ZNF516: variants seen among roughly 807,000 people sequenced by gnomAD.
The protein encoded by ZNF516 is zinc finger protein 516.
ZNF516 carries 19 observed loss-of-function variants against 79.7 expected under a neutral mutation model. The observed-to-expected ratio is 0.24, with a 90% CI of 0.17 to 0.35. The LOEUF is 0.35. Among genes scored for constraint, ZNF516 ranks in the 10% least tolerant of loss-of-function variants. ZNF516 has a pLI of 1.00. For synonymous variants in ZNF516, 877 were observed against 739.5 expected (o/e 1.19, Z -3.02); for missense variants, 1,678 against 1,679.5 (o/e 1.00, Z 0.02).
intron 1 of ZNF516, chr18:76,492,150 C>T (rs974631749): frequency 2.0e-6 from 2 of 985,224 alleles, no homozygotes; most frequent in Non-Finnish European, 1.2e-6. Context: ...CTCTCCATTG[C>T]ATCATCCCCA....
chr18:76,404,577 T>C (rs924442228), intron 3 of ZNF516, among the ~76,000 whole-genome samples: 3 of 152,006 alleles, frequency 2.0e-5, no homozygotes, highest in Admixed American at 1.3e-4. Context: ...TTTGTGAGTA[T>C]GTAATGAGTA....
At chr18:76,443,863 G>C (rs1209959554) in intron 2 of ZNF516, among the ~76,000 whole-genome samples, 1 of 152,218 alleles carries the variant, frequency 6.6e-6, no homozygotes. Context: ...TCTGCTCCTA[G>C]AGATTGTGCC....
chr18:76,425,987 C>T lies in ZNF516; in HGVS notation c.1810+15258G>A, dbSNP rs181377999. Among the ~76,000 whole-genome samples the T allele has an allele frequency of 1.0e-3, 155 of 152,384 alleles. 1 individual carries two copies. Among genetic ancestry groups the T allele is most frequent in the Non-Finnish European group, 1.7e-3 (117 of 68,044 alleles). Reference sequence around the variant, plus strand: ...TTTCAGACGTCAAATTAACATAAGACTGCCTTCATGTTGCATAGCAAACTC... The same window carrying T: ...TTTCAGACGTCAAATTAACATAAGATTGCCTTCATGTTGCATAGCAAACTC... On this transcript the variant is annotated intron_variant, in intron 3 of 6. Coordinates refer to ENST00000443185, the MANE Select transcript of ZNF516 (RefSeq NM_014643.4).
intron 3 of ZNF516, among the ~76,000 whole-genome samples, chr18:76,423,796 C>G (rs2075545886): frequency 6.8e-6 from 1 of 146,958 alleles, no homozygotes; most frequent in Admixed American, 6.8e-5. Context: ...AAGGTTCCCC[C>G]ATGAAACACA....
At chr18:76,492,996 A>G (rs1915326025) in intron 1 of ZNF516, 2 of 985,380 alleles carry the variant, frequency 2.0e-6, no homozygotes, top group East Asian at 1.1e-4. Context: ...GCTCACACAC[A>G]CACCCCAAAT....
At chr18:76,441,124 G>C (rs1305705973) in intron 3 of ZNF516, 121 bp downstream of exon 3, 2 of 1,389,222 alleles carry the variant, frequency 1.4e-6, no homozygotes, top group South Asian at 1.5e-5. Context: ...GCCTAGCTGA[G>C]TAAAGGGCCA....
chr18:76,433,222 C>T (rs2075685230), intron 3 of ZNF516, among the ~76,000 whole-genome samples: 2 of 152,220 alleles, frequency 1.3e-5, no homozygotes, highest in Non-Finnish European at 2.9e-5. Context: ...CCACTGACCG[C>T]TGAGTACTCC....
intron 3 of ZNF516, among the ~76,000 whole-genome samples, chr18:76,381,479 A>T (rs916079148): frequency 6.6e-6 from 1 of 152,222 alleles, no homozygotes; most frequent in Admixed American, 6.5e-5. Context: ...GATTTTTAAC[A>T]TTCAGTAAAA....
At chr18:76,454,121 G>C (rs1289123166) in intron 2 of ZNF516, among the ~76,000 whole-genome samples, 1 of 152,220 alleles carries the variant, frequency 6.6e-6, no homozygotes, top group Admixed American at 6.5e-5. Flanking sequence ...ATAATTGTAT[G>C]CAGTAAGCCA....
intron 3 of ZNF516, among the ~76,000 whole-genome samples, chr18:76,424,629 T>TC (rs1408608580): frequency 4.9e-5 from 3 of 61,724 alleles, no homozygotes; most frequent in Non-Finnish European, 9.2e-5. Flanking sequence ...GTGAAAAGGC[T>TC]CCCCCGAAAC....
Position 76,361,610 on chromosome 18 carries a change from G to A in ZNF516, c.*888C>T, listed in dbSNP as rs138929830. The A allele has an allele frequency of 3.3e-5, 5 of 152,232 alleles. No homozygotes were observed. The highest frequency in any genetic ancestry group is 2.1e-4 in the South Asian group (1 of 4,830). The allele number at this position is 152,232 out of a possible 1,614,324, so 9.4% of individuals were successfully genotyped here. ...CTTCTGCCATTACTAAAACAGGTCC[G>A]AATCGGGAGGACTCAGTGGCTAAAT... On this transcript the variant is annotated 3_prime_UTR_variant, in exon 7 of 7. Transcript: ENST00000443185.
Position 76,467,441 on chromosome 18 carries a change from T to C in ZNF516, c.-271-4300A>G, listed in dbSNP as rs2145708497. 6.6e-6 allele frequency among the ~76,000 whole-genome samples: 1 copy of C among 152,326 alleles called. No individual in the cohort carries two copies. Among genetic ancestry groups the C allele is most frequent in the East Asian group, 1.9e-4 (1 of 5,174 alleles). ...GAGGAAATGATTTGGGCAAACGCTC[T>C]GCCCTGAGATCTCTCTCGCCCTAAC... On this transcript the variant is annotated intron_variant, in intron 1 of 6. Coordinates refer to ENST00000443185, the MANE Select transcript of ZNF516 (RefSeq NM_014643.4). This position sits in a 1 kb window ranked among gnomAD's most constrained non-coding sequence, Gnocchi z 4.2.
At chr18:76,371,920 C>G (rs934963467) in intron 4 of ZNF516, among the ~76,000 whole-genome samples, 8 of 152,228 alleles carry the variant, frequency 5.3e-5, no homozygotes, top group Non-Finnish European at 1.0e-4. Flanking sequence ...TCCAGCAAAT[C>G]AGAGTGACAC....
chr18:76,436,767 C>T lies in ZNF516; in HGVS notation c.1810+4478G>A, dbSNP rs530274543. Among the ~76,000 whole-genome samples the T allele has an allele frequency of 1.3e-4, 20 of 152,172 alleles. No homozygotes were observed. In the South Asian group the frequency reaches 2.1e-3, roughly 16 times the overall value. On this transcript the variant is annotated intron_variant, in intron 3 of 6. Coordinates refer to ENST00000443185, the MANE Select transcript of ZNF516 (RefSeq NM_014643.4). ...AAATTCACCCTCAATCCTGTTTCAA[C>T]GGGTAAACACATCCTCCAGGCCAGG...
Position 76,490,922 on chromosome 18 carries a change from T to C in ZNF516, c.-272+4222A>G, listed in dbSNP as rs531210785. 1.2e-5 allele frequency: 12 copies of C among 985,384 alleles called. No individual in the cohort carries two copies. In the South Asian group the frequency reaches 4.7e-4, roughly 39 times the overall value. The allele number at this position is 985,384 out of a possible 1,614,324, so 61.0% of individuals were successfully genotyped here. A position where few individuals can be genotyped will look rare whatever the true frequency, so the allele number is the denominator to read the frequency against. On this transcript the variant is annotated intron_variant, in intron 1 of 6. Coordinates refer to ENST00000443185, the MANE Select transcript of ZNF516 (RefSeq NM_014643.4). The stretch of plus-strand genomic sequence containing the variant: ...GCAGTCCACAGAGCCATCCCCGGCC[T>C]CTTTACCGCGGAGACACTGTGAGGT...
chr18:76,492,061 C>A (rs1184252390), intron 1 of ZNF516: 2 of 716,210 alleles, frequency 2.8e-6, no homozygotes, highest in Non-Finnish European at 3.4e-6. Flanking sequence ...GCCGGGCACA[C>A]CCGCGCATGG....
intron 2 of ZNF516, among the ~76,000 whole-genome samples, chr18:76,456,424 T>C (rs1416682305): frequency 6.6e-6 from 1 of 152,220 alleles, no homozygotes; most frequent in Non-Finnish European, 1.5e-5. Context: ...TCCACTTAGC[T>C]GGTGTTAAGT....
At chr18:76,414,629 A>G (rs1357796633) in intron 3 of ZNF516, among the ~76,000 whole-genome samples, 1 of 152,228 alleles carries the variant, frequency 6.6e-6, no homozygotes, top group Non-Finnish European at 1.5e-5. Flanking sequence ...TACCTACTTC[A>G]TTAGCACTGT....
chr18:76,465,487 G>A (rs1027270250), intron 1 of ZNF516, among the ~76,000 whole-genome samples: 12 of 152,308 alleles, frequency 7.9e-5, no homozygotes, highest in East Asian at 1.9e-4. Context: ...GACAGCACAC[G>A]GGAGAAATGC....
Sources: allele counts gnomAD v4.1 joint callset (sites outside exome capture counted in the v4.1 genomes callset), GRCh38; gene constraint gnomAD v4.1.1; non-coding constraint Gnocchi (gnomAD v3.1); transcripts MANE v1.5; gene names NCBI Gene and HGNC (gene_info 2026-07-23, HGNC 2026-07-21).